Variants in VPS13C observed in about 807,000 individuals in gnomAD.
VPS13C encodes the protein intermembrane lipid transfer protein VPS13C.
In VPS13C, 358 loss-of-function variants were observed where a neutral mutation model predicts 456.8. That is an observed-to-expected ratio of 0.78 (90% CI 0.72 to 0.86). VPS13C has a LOEUF of 0.86. Among genes scored for constraint, VPS13C ranks in the 40% least tolerant of loss-of-function variants. The pLI is 0.00. For synonymous variants in VPS13C, 1,578 were observed against 1,486.7 expected, an observed-to-expected ratio of 1.06 and a Z score of -1.41; for missense variants, 4,818 against 4,385.4, an observed-to-expected ratio of 1.10 and a Z score of -2.79.
At chr15:61,879,887 A>C (rs1895723604) in intron 73 of VPS13C, among the ~76,000 whole-genome samples, 1 of 152,120 alleles carries the variant, frequency 6.6e-6, no homozygotes, top group Non-Finnish European at 1.5e-5. Flanking sequence ...CCATTTTAGA[A>C]ATCCATTCAT....
intron 76 of VPS13C, among the ~76,000 whole-genome samples, chr15:61,875,285 G>T (rs1895333319): frequency 6.6e-6 from 1 of 152,040 alleles, no homozygotes; most frequent in Admixed American, 6.6e-5. Context: ...AGAGCCCACA[G>T]ATTTTTTTAC....
chr15:62,050,084 T>C (rs1438826231), intron 1 of VPS13C, among the ~76,000 whole-genome samples: 1 of 152,214 alleles, frequency 6.6e-6, no homozygotes, highest in Non-Finnish European at 1.5e-5. Context: ...CCTAACTGAA[T>C]GCCCTTTATT....
intron 76 of VPS13C, 60 bp from the exon 77 acceptor site, chr15:61,875,011 T>C: frequency 7.1e-7 from 1 of 1,415,314 alleles, no homozygotes; most frequent in Non-Finnish European, 9.3e-7. Flanking sequence ...AGACTTTTAC[T>C]TTAATAGTTC....
chr15:62,022,925 T>C (rs1175778076), intron 8 of VPS13C, among the ~76,000 whole-genome samples: 1 of 151,920 alleles, frequency 6.6e-6, no homozygotes, highest in Non-Finnish European at 1.5e-5. Flanking sequence ...GTTTCTTCTG[T>C]GCAACTACTG....
In VPS13C at chr15:61,913,484, G is replaced by T. The variant is rs996630400; in HGVS notation, c.8446-69C>A. ...CTATAATAATTTTATTTGAGAGAAA[G>T]TTGCTGGACTACTAGAAATTTCTTT... is the stretch of plus-strand genomic sequence containing the variant. On this transcript the variant is annotated intron_variant, in intron 61 of 84. Coordinates refer to ENST00000644861, the MANE Select transcript of VPS13C (RefSeq NM_020821.3). 65 of 1,361,498 alleles carry T rather than the reference G, an allele frequency of 4.8e-5. No individual in the cohort carries two copies. In the African/African-American group the frequency reaches 7.3e-4, roughly 15 times the overall value. The allele number at this position is 1,361,498 out of a possible 1,614,324, so 84.3% of individuals were successfully genotyped here. A position where few individuals can be genotyped will look rare whatever the true frequency, so the allele number is the denominator to read the frequency against.
intron 74 of VPS13C, 82 bp from the exon 75 acceptor site, chr15:61,877,136 T>C: frequency 9.7e-7 from 1 of 1,030,194 alleles, no homozygotes; most frequent in South Asian, 1.7e-5. Context: ...TGACAGCTAA[T>C]GCTAATCATA....
intron 8 of VPS13C, among the ~76,000 whole-genome samples, 176 bp downstream of exon 8, chr15:62,023,235 T>C (rs2047523907): frequency 6.6e-6 from 1 of 151,876 alleles, no homozygotes; most frequent in South Asian, 2.1e-4. Flanking sequence ...ATAGTATATT[T>C]ATGTACATAA....
intron 1 of VPS13C, among the ~76,000 whole-genome samples, chr15:62,048,238 A>C (rs2048490003): frequency 8.5e-6 from 1 of 117,304 alleles, no homozygotes; most frequent in African/African-American, 2.8e-5. Context: ...TATATCTCCT[A>C]ATGCTATCCC....
At chr15:62,012,655 G>A (rs933328634) in intron 11 of VPS13C, among the ~76,000 whole-genome samples, 6 of 151,688 alleles carry the variant, frequency 4.0e-5, no homozygotes, top group African/African-American at 1.5e-4. Flanking sequence ...CATCACAAAT[G>A]TCTAAAACAT....
chr15:61,981,603 G>A, intron 21 of VPS13C, 125 bp from the exon 22 acceptor site: 1 of 945,270 alleles, frequency 1.1e-6, no homozygotes, highest in Non-Finnish European at 1.4e-6. Context: ...GCTCACGCCT[G>A]TCATCCCAGC....
intron 6 of VPS13C, among the ~76,000 whole-genome samples, chr15:62,027,924 C>A (rs991982658): frequency 5.3e-5 from 8 of 152,038 alleles, no homozygotes; most frequent in African/African-American, 1.7e-4. Context: ...AGGAACACCT[C>A]CTGTCACGGT....
rs76681034 is a variant in VPS13C at position 61,973,204 on chromosome 15, G to A, written c.2617+250C>T. On this transcript the variant is annotated intron_variant, in intron 26 of 84. Transcript: ENST00000644861. ...CATGTAGAGATTGGGGCCAAAAAAA[G>A]TAGTTTATTTAGAATCTTAAGTAAG... is the stretch of plus-strand genomic sequence containing the variant. Among the ~76,000 whole-genome samples the A allele has an allele frequency of 4.3e-3, 657 of 152,158 alleles. 8 individuals are homozygous for A. The highest frequency in any genetic ancestry group is 0.015 in the African/African-American group (636 of 41,530).
intron 45 of VPS13C, among the ~76,000 whole-genome samples, chr15:61,943,601 G>A (rs1227161455): frequency 6.6e-6 from 1 of 151,878 alleles, no homozygotes; most frequent in East Asian, 1.9e-4. Flanking sequence ...ATTCTATGGT[G>A]AAAGGACCCC....
intron 65 of VPS13C, among the ~76,000 whole-genome samples, chr15:61,908,046 G>C (rs2043199802): frequency 1.3e-5 from 2 of 152,196 alleles, no homozygotes; most frequent in Non-Finnish European, 2.9e-5. Context: ...CTGGGGTCTT[G>C]CAGGAAAAGG....
chr15:61,882,666 G>A lies in VPS13C; in HGVS notation c.9554C>T (p.Ser3185Leu), dbSNP rs186643820. 1.4e-5 allele frequency: 22 copies of A among 1,600,802 alleles called. No homozygotes were observed. In the Admixed American group the frequency reaches 3.3e-4, roughly 24 times the overall value. Reference sequence around the variant, plus strand: ...CTGCTTAAATTCAATCTGAATTCCTGATAAAAAGTCTCGTTTAATAGGGCT... The same window carrying A: ...CTGCTTAAATTCAATCTGAATTCCTAATAAAAAGTCTCGTTTAATAGGGCT... ...IRSPIKRDFL[S>L]GIQIEFKQSS... The change falls in exon 69 of 85, where the codon TCA becomes TTA. Residue 3185 changes from serine to leucine, a missense_variant. Ser to Leu is a moderately radical substitution (Grantham distance 145). Transcript: ENST00000644861.
At chr15:61,987,284 T>C (rs913656741) in intron 18 of VPS13C, among the ~76,000 whole-genome samples, 1 of 151,792 alleles carries the variant, frequency 6.6e-6, no homozygotes, top group African/African-American at 2.4e-5. Context: ...ATCAAGTGCA[T>C]TAGTCCATTC....
chr15:61,932,960 G>A (rs973773086), intron 49 of VPS13C, among the ~76,000 whole-genome samples: 4 of 151,910 alleles, frequency 2.6e-5, no homozygotes, highest in African/African-American at 9.7e-5. Flanking sequence ...AAGGGAAGAT[G>A]GAAATGGCTA....
In VPS13C at chr15:61,904,044, T is replaced by C. The variant is rs139383466; in HGVS notation, c.9105+3220A>G. Among the ~76,000 whole-genome samples, 1,052 of 152,072 alleles carry C rather than the reference T, an allele frequency of 6.9e-3. 9 individuals are homozygous for C. The highest frequency in any genetic ancestry group is 0.024 in the African/African-American group (1,004 of 41,476). ...CCTTAGAACTATTTAAAGAAAACAT[T>C]GGGGAAATGCTTTAGGACACTGGTC... On this transcript the variant is annotated intron_variant, in intron 66 of 84. Transcript: ENST00000644861.
Position 61,912,011 on chromosome 15 carries a change from A to G in VPS13C, c.8551-7T>C. ...TTTTGATGCTAACACCAACCTGTGGAAAGGAAAAAAGCTTATTTTCCAGTT... is the reference window on the plus strand; with the variant it reads ...TTTTGATGCTAACACCAACCTGTGGGAAGGAAAAAAGCTTATTTTCCAGTT... On this transcript the variant is annotated splice_region_variant and splice_polypyrimidine_tract_variant and intron_variant, in intron 62 of 84. Transcript: ENST00000644861. 6.4e-7 allele frequency: 1 copy of G among 1,566,154 alleles called. No individual in the cohort carries two copies. The highest frequency in any genetic ancestry group is 8.7e-7 in the Non-Finnish European group (1 of 1,154,816).
Sources: allele counts gnomAD v4.1 joint callset (sites outside exome capture counted in the v4.1 genomes callset), GRCh38; gene constraint gnomAD v4.1.1; transcripts MANE v1.5; gene names NCBI Gene and HGNC (gene_info 2026-07-23, HGNC 2026-07-21).